Variants in SMC6 observed in about 807,000 individuals in gnomAD.
SMC6 encodes the protein structural maintenance of chromosomes 6, also known as structural maintenance of chromosomes protein 6.
A neutral mutation model predicts 142.2 loss-of-function variants in SMC6; 79 were observed. The observed-to-expected ratio is 0.56, with a 90% CI of 0.46 to 0.67. The LOEUF (loss-of-function observed/expected upper bound fraction) is 0.67, where lower values mean the gene tolerates loss of function less well. Ranked by LOEUF, SMC6 falls within the 30% of genes least tolerant of loss-of-function variation. The pLI is 0.00. For synonymous variants in SMC6, 411 were observed against 412.4 expected, an observed-to-expected ratio of 1.00 and a Z score of 0.04; for missense variants, 1,072 against 1,284.0, an observed-to-expected ratio of 0.83 and a Z score of 2.52.
intron 25 of SMC6, among the ~76,000 whole-genome samples, chr2:17,676,582 C>T (rs1409560651): frequency 1.3e-5 from 2 of 152,086 alleles, no homozygotes; most frequent in African/African-American, 2.4e-5. Context: ...TCTACAAAAA[C>T]GTCTGCTGGC....
At position 17,665,621 on chromosome 2, in the gene SMC6, A is replaced by G; in HGVS notation, c.3162-8T>C. ...TTACTGGATGGAAGTGAACTAGAAG[A>G]AGCAAAATCAATTACTCAAATTTCC... On this transcript the variant is annotated splice_region_variant and splice_polypyrimidine_tract_variant and intron_variant, in intron 27 of 27. Transcript: ENST00000448223. The G allele has an allele frequency of 2.6e-6, 4 of 1,534,610 alleles. No individual in the cohort carries two copies. Among genetic ancestry groups the G allele is most frequent in the Non-Finnish European group, 3.6e-6 (4 of 1,124,634 alleles).
At chr2:17,715,417 C>T (rs986367151) in intron 15 of SMC6, among the ~76,000 whole-genome samples, 3 of 151,004 alleles carry the variant, frequency 2.0e-5, no homozygotes, top group East Asian at 1.9e-4. Flanking sequence ...GAAAATCAAA[C>T]GATTTTCAAA....
At chr2:17,694,016 A>AG in intron 23 of SMC6, among the ~76,000 whole-genome samples, 1 of 148,876 alleles carries the variant, frequency 6.7e-6, no homozygotes, top group East Asian at 1.9e-4. Context: ...AAAAAAAAAA[A>AG]AAAAAAAAGA....
chr2:17,728,037 T>C (rs571189184), intron 7 of SMC6, among the ~76,000 whole-genome samples: 1 of 152,336 alleles, frequency 6.6e-6, no homozygotes, highest in Admixed American at 6.5e-5. Context: ...CATCTTAACA[T>C]CAACTTTCAA....
chr2:17,687,233 T>A (rs1667496122), intron 23 of SMC6, among the ~76,000 whole-genome samples: 1 of 152,196 alleles, frequency 6.6e-6, no homozygotes, highest in Admixed American at 6.5e-5. Context: ...CGAGCACTTA[T>A]ATGATGCCAC....
intron 2 of SMC6, among the ~76,000 whole-genome samples, chr2:17,747,781 G>C (rs1558384898): frequency 6.6e-6 from 1 of 152,124 alleles, no homozygotes; most frequent in East Asian, 1.9e-4. Context: ...TGGGATTATA[G>C]GTGTGAGTCA....
At chr2:17,693,813 T>C (rs1667849534) in intron 23 of SMC6, among the ~76,000 whole-genome samples, 4 of 151,590 alleles carry the variant, frequency 2.6e-5, no homozygotes, top group African/African-American at 7.3e-5. Context: ...CTGACCAATA[T>C]GATGAAACCC....
chr2:17,696,582 C>T (rs925085650), intron 21 of SMC6, among the ~76,000 whole-genome samples, 156 bp from the exon 22 acceptor site: 1 of 152,096 alleles, frequency 6.6e-6, no homozygotes, highest in Non-Finnish European at 1.5e-5. Flanking sequence ...TGAGGAGTTT[C>T]CCAAATTAGG....
At chr2:17,717,223 A>ATCCC in intron 12 of SMC6, 47 bp from the exon 13 acceptor site, 2 of 1,389,794 alleles carry the variant, frequency 1.4e-6, no homozygotes, top group Non-Finnish European at 2.0e-6. Flanking sequence ...AAACACAAAT[A>ATCCC]TCCCATTCAC....
intron 2 of SMC6, among the ~76,000 whole-genome samples, chr2:17,747,256 A>G (rs529532573): frequency 1.3e-5 from 2 of 152,228 alleles, no homozygotes; most frequent in South Asian, 4.1e-4. Flanking sequence ...TGAGAAGACC[A>G]CTCCCACTGC....
chr2:17,750,403 T>C (rs1670965874), intron 2 of SMC6, among the ~76,000 whole-genome samples: 1 of 152,236 alleles, frequency 6.6e-6, no homozygotes, highest in Non-Finnish European at 1.5e-5. Flanking sequence ...TCTATTTCCT[T>C]TGATCCCCAA....
chr2:17,742,607 G>C (rs192233231), intron 3 of SMC6, among the ~76,000 whole-genome samples: 1 of 151,704 alleles, frequency 6.6e-6, no homozygotes, highest in Non-Finnish European at 1.5e-5. Context: ...CAAGTCTCCA[G>C]GTATTTTAAA....
chr2:17,749,879 G>C (rs1044235208), intron 2 of SMC6, among the ~76,000 whole-genome samples: 8 of 152,130 alleles, frequency 5.3e-5, no homozygotes, highest in African/African-American at 1.2e-4. Flanking sequence ...TAATAAAAAA[G>C]TGTTATCATT....
chr2:17,730,203 T>C (rs1187057568), intron 7 of SMC6, among the ~76,000 whole-genome samples: 1 of 152,224 alleles, frequency 6.6e-6, no homozygotes, highest in East Asian at 1.9e-4. Flanking sequence ...CTTCTAAAGG[T>C]AATTCTTGTG....
At chr2:17,739,879 A>AC (rs1670352154) in intron 4 of SMC6, among the ~76,000 whole-genome samples, 1 of 115,456 alleles carries the variant, frequency 8.7e-6, no homozygotes, top group Non-Finnish European at 1.7e-5. Flanking sequence ...GAATATGGTA[A>AC]ACACACACAC....
chr2:17,722,777 C>T (rs908842963), intron 9 of SMC6, among the ~76,000 whole-genome samples: 15 of 152,090 alleles, frequency 9.9e-5, no homozygotes, highest in African/African-American at 2.9e-4. Flanking sequence ...GAATTTCTCA[C>T]GGTTCAGGCC....
At chr2:17,666,303 C>T in intron 27 of SMC6, 117 bp downstream of exon 27, 2 of 691,880 alleles carry the variant, frequency 2.9e-6, no homozygotes, top group Non-Finnish European at 2.4e-6. Flanking sequence ...AGTAGGGGAG[C>T]TAATTTTTAT....
intron 19 of SMC6, among the ~76,000 whole-genome samples, 163 bp from the exon 20 acceptor site, chr2:17,702,072 T>C (rs1044016589): frequency 5.9e-5 from 9 of 152,176 alleles, no homozygotes; most frequent in South Asian, 4.1e-4. Flanking sequence ...GGAAATTACG[T>C]ATAAATTCTG....
Position 17,664,334 on chromosome 2 carries a change from ACTT to A in SMC6, c.*1162_*1164del, listed in dbSNP as rs1291552028. 1 of 152,124 alleles carries A rather than the reference ACTT, an allele frequency of 6.6e-6. No individual in the cohort carries two copies. The highest frequency in any genetic ancestry group is 1.5e-5 in the Non-Finnish European group (1 of 68,024). The allele number at this position is 152,124 out of a possible 1,614,324, so 9.4% of individuals were successfully genotyped here. On this transcript the variant is annotated 3_prime_UTR_variant, in exon 28 of 28. Transcript: ENST00000448223. ...TCAATTTAAGACTAAAGTATCTTAA[ACTT>A]CTTCCTCCACCAAAAACACAAACAA...
Sources: gnomAD v4.1 joint callset for allele counts (sites outside exome capture counted in the v4.1 genomes callset) on GRCh38, gnomAD v4.1.1 for gene constraint, MANE v1.5 for transcripts, NCBI Gene and HGNC (gene_info 2026-07-23, HGNC 2026-07-21) for gene names.